ARHGAP15: variants seen among roughly 807,000 people sequenced by gnomAD.
ARHGAP15 encodes the protein Rho GTPase activating protein 15, also known as rho GTPase-activating protein 15.
A neutral mutation model predicts 63.7 loss-of-function variants in ARHGAP15; 51 were observed. That is an observed-to-expected ratio of 0.80 (90% CI 0.64 to 1.01). The LOEUF (loss-of-function observed/expected upper bound fraction) is 1.01, where lower values mean the gene tolerates loss of function less well. ARHGAP15 is among the 50% of genes least tolerant of loss of function. The pLI is 0.00. For synonymous variants in ARHGAP15, 191 were observed against 193.8 expected, an observed-to-expected ratio of 0.99 and a Z score of 0.12; for missense variants, 560 against 564.6, an observed-to-expected ratio of 0.99 and a Z score of 0.08.
intron 8 of ARHGAP15, among the ~76,000 whole-genome samples, chr2:143,476,164 G>A (rs1691806134): frequency 6.6e-6 from 1 of 152,118 alleles, no homozygotes; most frequent in South Asian, 2.1e-4. Context: ...AAAAACTATT[G>A]CTGAAGTTTC....
chr2:143,732,614 A>C (rs1171523280), intron 13 of ARHGAP15, among the ~76,000 whole-genome samples: 1 of 152,184 alleles, frequency 6.6e-6, no homozygotes, highest in Non-Finnish European at 1.5e-5. Context: ...AAGATCTAAA[A>C]TGTATGGATT....
chr2:143,297,372 T>C (rs1270018012), intron 6 of ARHGAP15, among the ~76,000 whole-genome samples: 1 of 151,970 alleles, frequency 6.6e-6, no homozygotes, highest in Non-Finnish European at 1.5e-5. Flanking sequence ...TGTGTGAACA[T>C]GGTTGACTCT....
chr2:143,258,659 CAATGA>C (rs1156728225), intron 6 of ARHGAP15, among the ~76,000 whole-genome samples: 1 of 152,038 alleles, frequency 6.6e-6, no homozygotes, highest in African/African-American at 2.4e-5. Flanking sequence ...CTAAGTGAAA[CAATGA>C]AATGAAATGG....
intron 5 of ARHGAP15, among the ~76,000 whole-genome samples, chr2:143,242,683 C>T (rs138290245): frequency 5.1e-4 from 77 of 152,224 alleles, no homozygotes; most frequent in African/African-American, 1.8e-3. Flanking sequence ...TTATTATTAA[C>T]ATCATTTATA....
intron 8 of ARHGAP15, among the ~76,000 whole-genome samples, chr2:143,461,281 C>CAA (rs70982868): frequency 0.52 from 28,404 of 55,030 alleles, 10,638 homozygotes; most frequent in Non-Finnish European, 0.63. Context: ...CTCTGTCTCT[C>CAA]AAAAAAAAAA....
At chr2:143,654,415 T>C (rs1681329200) in intron 12 of ARHGAP15, among the ~76,000 whole-genome samples, 1 of 152,186 alleles carries the variant, frequency 6.6e-6, no homozygotes, top group South Asian at 2.1e-4. Flanking sequence ...AGGTTTGTGA[T>C]AATGTTTCAT....
chr2:143,279,217 A>AT (rs1028172858), intron 6 of ARHGAP15, among the ~76,000 whole-genome samples: 2 of 151,904 alleles, frequency 1.3e-5, no homozygotes, highest in Admixed American at 1.3e-4. Flanking sequence ...CACTTCTAGA[A>AT]TTTTTTCCTC....
chr2:143,246,300 G>A (rs1294289803), intron 5 of ARHGAP15, among the ~76,000 whole-genome samples: 2 of 151,982 alleles, frequency 1.3e-5, no homozygotes, highest in Non-Finnish European at 2.9e-5. Context: ...GAGTGCAATA[G>A]AGGAAGCTAT....
chr2:143,588,655 C>T lies in ARHGAP15; in HGVS notation c.1003+32170C>T, dbSNP rs951335335. ...GCTTCATCCATGTCCCTGCAAAGAACGTGATCTCATTCCTTTTTGCGGCTG... is the reference window on the plus strand; with the variant it reads ...GCTTCATCCATGTCCCTGCAAAGAATGTGATCTCATTCCTTTTTGCGGCTG... On this transcript the variant is annotated intron_variant, in intron 11 of 13. Coordinates refer to ENST00000295095, the MANE Select transcript of ARHGAP15 (RefSeq NM_018460.4). 2.6e-5 allele frequency among the ~76,000 whole-genome samples: 4 copies of T among 152,274 alleles called. No individual in the cohort carries two copies. The East Asian group carries it at 5.8e-4, about 22-fold the overall frequency.
chr2:143,348,988 G>C (rs532952127), intron 6 of ARHGAP15, among the ~76,000 whole-genome samples: 3 of 152,024 alleles, frequency 2.0e-5, no homozygotes, highest in Non-Finnish European at 2.9e-5. Flanking sequence ...GTAACTGTTC[G>C]ATAAGAGAAA....
intron 3 of ARHGAP15, among the ~76,000 whole-genome samples, chr2:143,207,818 C>A (rs1692400891): frequency 6.6e-6 from 1 of 152,128 alleles, no homozygotes; most frequent in African/African-American, 2.4e-5. Flanking sequence ...TGATTATAGA[C>A]CATTCATTAT....
intron 13 of ARHGAP15, among the ~76,000 whole-genome samples, chr2:143,759,292 A>G (rs1396189310): frequency 2.0e-5 from 3 of 152,098 alleles, no homozygotes; most frequent in Admixed American, 2.0e-4. Flanking sequence ...GGTTTTATTT[A>G]TTTATCTCAC....
At chr2:143,460,726 T>G (rs539105128) in intron 8 of ARHGAP15, among the ~76,000 whole-genome samples, 2 of 152,168 alleles carry the variant, frequency 1.3e-5, no homozygotes, top group Non-Finnish European at 1.5e-5. Flanking sequence ...TTAAACAACA[T>G]GTATGTGGGA....
At chr2:143,285,145 A>G (rs1682029431) in intron 6 of ARHGAP15, among the ~76,000 whole-genome samples, 1 of 152,140 alleles carries the variant, frequency 6.6e-6, no homozygotes, top group African/African-American at 2.4e-5. Context: ...AATTTATCCA[A>G]TGGTTACTTA....
At chr2:143,518,638 A>G (rs574450850) in intron 9 of ARHGAP15, among the ~76,000 whole-genome samples, 1 of 152,296 alleles carries the variant, frequency 6.6e-6, no homozygotes, top group East Asian at 1.9e-4. Context: ...AGGGTCTGGT[A>G]TTCCAAAGAA....
chr2:143,460,494 A>T (rs1397551625), intron 8 of ARHGAP15, among the ~76,000 whole-genome samples: 1 of 152,238 alleles, frequency 6.6e-6, no homozygotes, highest in Non-Finnish European at 1.5e-5. Flanking sequence ...AAAGAGCTGG[A>T]ATATAAACAT....
chr2:143,318,008 CT>C (rs920935385), intron 6 of ARHGAP15, among the ~76,000 whole-genome samples: 18 of 148,846 alleles, frequency 1.2e-4, no homozygotes, highest in East Asian at 1.2e-3. Context: ...AAATTTTATC[CT>C]TTTTTTTTTC....
At chr2:143,685,567 C>CAGTT (rs1280372661) in intron 12 of ARHGAP15, among the ~76,000 whole-genome samples, 1 of 152,164 alleles carries the variant, frequency 6.6e-6, no homozygotes, top group East Asian at 1.9e-4. Context: ...GCTCTAATGC[C>CAGTT]AGTTCATAGT....
chr2:143,717,475 C>T (rs1297459595), intron 13 of ARHGAP15, among the ~76,000 whole-genome samples: 2 of 152,204 alleles, frequency 1.3e-5, no homozygotes, highest in Admixed American at 6.5e-5. Context: ...CTGTCAAGCT[C>T]CTTTCCAGAC....
Sources: allele counts gnomAD v4.1 joint callset (sites outside exome capture counted in the v4.1 genomes callset), GRCh38; gene constraint gnomAD v4.1.1; transcripts MANE v1.5; gene names NCBI Gene and HGNC (gene_info 2026-07-23, HGNC 2026-07-21).